The following CMC2 variants were observed in gnomAD, a reference collection of about 807,000 sequenced individuals.
The protein encoded by CMC2 is COX assembly mitochondrial protein 2 homolog.
In CMC2, 5 loss-of-function variants were observed where a neutral mutation model predicts 7.5. That is an observed-to-expected ratio of 0.66 (90% CI 0.35 to 1.40). The LOEUF (loss-of-function observed/expected upper bound fraction) is 1.40, where lower values mean the gene tolerates loss of function less well. Ranked by LOEUF, CMC2 falls within the 40% of genes most tolerant of loss-of-function variation. The pLI is 0.04. For missense variants in CMC2, 115 were observed against 92.3 expected, an observed-to-expected ratio of 1.25 and a Z score of -1.01; for synonymous variants, 37 against 31.4, an observed-to-expected ratio of 1.18 and a Z score of -0.60.
rs952291980 is a variant in CMC2 at position 80,968,946 on chromosome 16, G to A, written c.*7147C>T. On this transcript the variant is annotated 3_prime_UTR_variant, in exon 4 of 4. Coordinates refer to ENST00000219400, the MANE Select transcript of CMC2 (RefSeq NM_020188.5). ...AAACAAGAATATCACATAAAGCCAGGAGATGGTAATCCTCTAAGAAAACAT... is the reference window on the plus strand; with the variant it reads ...AAACAAGAATATCACATAAAGCCAGAAGATGGTAATCCTCTAAGAAAACAT... The A allele has an allele frequency of 1.4e-4, 21 of 152,226 alleles. No individual in the cohort carries two copies. The highest frequency in any genetic ancestry group is 3.6e-4 in the African/African-American group (15 of 41,456). 9.4% of individuals were successfully genotyped at this position (152,226 alleles called of 1,614,324 possible).
At chr16:81,000,964 G>A (rs1351661672) in intron 1 of CMC2, among the ~76,000 whole-genome samples, 1 of 152,186 alleles carries the variant, frequency 6.6e-6, no homozygotes, top group Non-Finnish European at 1.5e-5. Flanking sequence ...ATCAGTAATG[G>A]ATTGGATAAA....
intron 2 of CMC2, among the ~76,000 whole-genome samples, chr16:80,994,682 G>C (rs1165406130): frequency 1.3e-5 from 2 of 152,174 alleles, no homozygotes; most frequent in Non-Finnish European, 2.9e-5. Context: ...AACTTAAAAA[G>C]TTTATAATAT....
intron 1 of CMC2, among the ~76,000 whole-genome samples, chr16:81,001,845 C>A (rs1597277860): frequency 8.5e-6 from 1 of 117,310 alleles, no homozygotes; most frequent in Admixed American, 8.3e-5. Flanking sequence ...CTACTAAACA[C>A]ACACACACAC....
At chr16:80,988,122 T>A (rs1274591153) in intron 2 of CMC2, among the ~76,000 whole-genome samples, 1 of 152,144 alleles carries the variant, frequency 6.6e-6, no homozygotes, top group African/African-American at 2.4e-5. Context: ...AGTTCAAGGC[T>A]GCTGTGAACT....
chr16:80,984,342 T>C (rs1967359825), intron 2 of CMC2, among the ~76,000 whole-genome samples: 1 of 152,232 alleles, frequency 6.6e-6, no homozygotes, highest in Non-Finnish European at 1.5e-5. Flanking sequence ...CTTTTCCTTT[T>C]CGTTCTAATT....
Position 80,981,855 on chromosome 16 carries a change from C to T in CMC2, c.104G>A (p.Gly35Asp), listed in dbSNP as rs557509954. ...HKNHNILKFF[G>D]YCNDVDRELR... ...CTCCCGATCAACATCATTACAATAA[C>T]CAAAAAATTTCAGAATGTTGTGCTA... The change falls in exon 3 of 4, where the codon GGT (glycine) becomes GAT (aspartate). Residue 35 changes from glycine (G) to aspartate (D), a missense_variant. By Grantham distance (94) the Gly-to-Asp change is moderately conservative. Transcript: ENST00000219400. The T allele has an allele frequency of 6.2e-7, 1 of 1,609,012 alleles. No individual in the cohort carries two copies. Among genetic ancestry groups the T allele is most frequent in the African/African-American group, 1.3e-5 (1 of 74,860 alleles).
At chr16:80,993,745 G>A (rs1054990572) in intron 2 of CMC2, among the ~76,000 whole-genome samples, 3 of 152,074 alleles carry the variant, frequency 2.0e-5, no homozygotes, top group East Asian at 1.9e-4. Context: ...GTAAAAACAC[G>A]AACTGCCTGC....
At chr16:80,985,460 G>A (rs996145782) in intron 2 of CMC2, among the ~76,000 whole-genome samples, 11 of 151,986 alleles carry the variant, frequency 7.2e-5, no homozygotes, top group Non-Finnish European at 1.5e-4. Context: ...TAAGATTTTC[G>A]TGAAAAATAA....
intron 1 of CMC2, among the ~76,000 whole-genome samples, chr16:81,005,782 C>A (rs567521754): frequency 1.3e-5 from 2 of 152,238 alleles, no homozygotes; most frequent in Non-Finnish European, 2.9e-5. Context: ...CCAGGACTTA[C>A]AAGGTGCCTA....
At chr16:81,005,644 C>A (rs1473352801) in intron 1 of CMC2, among the ~76,000 whole-genome samples, 1 of 152,102 alleles carries the variant, frequency 6.6e-6, no homozygotes, top group African/African-American at 2.4e-5. Context: ...GCACTGTAGA[C>A]CCCATGCCAG....
intron 1 of CMC2, among the ~76,000 whole-genome samples, chr16:80,999,259 T>C (rs1292319698): frequency 6.6e-6 from 1 of 152,182 alleles, no homozygotes; most frequent in East Asian, 1.9e-4. Flanking sequence ...GTAGCACGTC[T>C]ATACACTATA....
intron 1 of CMC2, among the ~76,000 whole-genome samples, chr16:80,999,945 T>A (rs551122890): frequency 6.6e-6 from 1 of 152,260 alleles, no homozygotes; most frequent in East Asian, 1.9e-4. Flanking sequence ...ACTATAAGAA[T>A]CCTAGAAGAA....
At chr16:80,988,752 T>G (rs1324811554) in intron 2 of CMC2, among the ~76,000 whole-genome samples, 1 of 151,942 alleles carries the variant, frequency 6.6e-6, no homozygotes, top group Non-Finnish European at 1.5e-5. Context: ...GTTGGGTGGG[T>G]TTTTTTTCCC....
intron 1 of CMC2, among the ~76,000 whole-genome samples, chr16:81,000,695 A>T (rs949511724): frequency 2.0e-5 from 3 of 152,166 alleles, no homozygotes; most frequent in Non-Finnish European, 4.4e-5. Flanking sequence ...AGTCAAAAAA[A>T]CACAGATGCT....
intron 1 of CMC2, among the ~76,000 whole-genome samples, chr16:81,005,425 A>T (rs1171179262): frequency 6.7e-6 from 1 of 149,428 alleles, no homozygotes; most frequent in East Asian, 2.0e-4. Context: ...ATAAAATTTA[A>T]ATATATATAT....
intron 2 of CMC2, among the ~76,000 whole-genome samples, chr16:80,984,791 C>G (rs1165450547): frequency 6.6e-6 from 1 of 152,106 alleles, no homozygotes; most frequent in Non-Finnish European, 1.5e-5. Context: ...AAATCCATGA[C>G]AAAAACTAAT....
intron 3 of CMC2, among the ~76,000 whole-genome samples, chr16:80,978,908 C>T (rs901718781): frequency 4.6e-5 from 7 of 151,830 alleles, no homozygotes; most frequent in East Asian, 3.9e-4. Flanking sequence ...GGTGAAGCCC[C>T]GTCTCTACTA....
At chr16:80,996,270 G>T (rs1968407707) in intron 2 of CMC2, among the ~76,000 whole-genome samples, 1 of 152,158 alleles carries the variant, frequency 6.6e-6, no homozygotes, top group African/African-American at 2.4e-5. Context: ...ATTCCACAGA[G>T]TCTCTTTCTC....
chr16:80,982,636 A>G (rs1967213384), intron 2 of CMC2: 1 of 152,148 alleles, frequency 6.6e-6, no homozygotes, highest in African/African-American at 2.4e-5. Flanking sequence ...CAGAACATAA[A>G]TAGCATCATT....
Sources: gnomAD v4.1 joint callset for allele counts (sites outside exome capture counted in the v4.1 genomes callset) on GRCh38, gnomAD v4.1.1 for gene constraint, MANE v1.5 for transcripts, NCBI Gene and HGNC (gene_info 2026-07-23, HGNC 2026-07-21) for gene names.